The following SORCS3 variants were observed in gnomAD, a reference collection of about 807,000 sequenced individuals.
SORCS3 encodes sortilin related VPS10 domain containing receptor 3, also known as VPS10 domain-containing receptor SorCS3.
In SORCS3, 57 loss-of-function variants were observed where a neutral mutation model predicts 146.3. The observed-to-expected ratio is 0.39, with a 90% CI of 0.31 to 0.49. SORCS3 has a LOEUF of 0.49. Ranked by LOEUF, SORCS3 falls within the 20% of genes least tolerant of loss-of-function variation. SORCS3 has a pLI of 0.92. For synonymous variants in SORCS3, 653 were observed against 618.5 expected (o/e 1.06, Z -0.83); for missense variants, 1,341 against 1,575.5 (o/e 0.85, Z 2.52).
At chr10:104,915,395 G>T (rs2019014676) in intron 2 of SORCS3, among the ~76,000 whole-genome samples, 1 of 151,982 alleles carries the variant, frequency 6.6e-6, no homozygotes, top group Non-Finnish European at 1.5e-5. Context: ...GAAGTTGGTT[G>T]TACCCTGGTG....
At chr10:104,870,395 A>T (rs1053118420) in intron 2 of SORCS3, among the ~76,000 whole-genome samples, 1 of 152,040 alleles carries the variant, frequency 6.6e-6, no homozygotes, top group Non-Finnish European at 1.5e-5. Flanking sequence ...GCCAGAGTCT[A>T]TGCTAGCCCC....
intron 1 of SORCS3, among the ~76,000 whole-genome samples, chr10:104,807,009 C>A (rs530157437): frequency 1.3e-5 from 2 of 152,046 alleles, no homozygotes; most frequent in African/African-American, 4.8e-5. Flanking sequence ...TTGGGAAGAA[C>A]CAGATTCTTT....
intron 4 of SORCS3, among the ~76,000 whole-genome samples, chr10:105,028,016 A>G (rs573375147): frequency 6.6e-6 from 1 of 152,324 alleles, no homozygotes; most frequent in East Asian, 1.9e-4. Flanking sequence ...TAGATACTTA[A>G]CCTTGTATTT....
At chr10:104,670,109 A>T (rs999177593) in intron 1 of SORCS3, among the ~76,000 whole-genome samples, 1 of 152,134 alleles carries the variant, frequency 6.6e-6, no homozygotes, top group Non-Finnish European at 1.5e-5. Flanking sequence ...TTCTCTATAT[A>T]TTCTGCATAC....
intron 6 of SORCS3, among the ~76,000 whole-genome samples, chr10:105,103,026 G>C (rs1290895777): frequency 6.6e-6 from 1 of 151,806 alleles, no homozygotes; most frequent in Non-Finnish European, 1.5e-5. Context: ...CTGACCTCGT[G>C]ATCCACCCAC....
At chr10:105,212,427 G>A (rs968582476) in intron 17 of SORCS3, among the ~76,000 whole-genome samples, 4 of 152,144 alleles carry the variant, frequency 2.6e-5, no homozygotes, top group South Asian at 4.1e-4. Flanking sequence ...AGTATTATGC[G>A]CACAAGTTAT....
At chr10:105,033,797 T>A (rs2055286497) in intron 4 of SORCS3, among the ~76,000 whole-genome samples, 1 of 152,212 alleles carries the variant, frequency 6.6e-6, no homozygotes, top group Non-Finnish European at 1.5e-5. Flanking sequence ...TCATAATTTT[T>A]GGTATTGTAC....
intron 14 of SORCS3, among the ~76,000 whole-genome samples, chr10:105,192,120 G>A (rs1231938531): frequency 2.0e-5 from 3 of 151,902 alleles, no homozygotes; most frequent in Non-Finnish European, 4.4e-5. Context: ...GTATGCCTTT[G>A]AAAAGAAAAA....
chr10:104,990,105 C>G (rs1589582015), intron 4 of SORCS3, among the ~76,000 whole-genome samples: 1 of 152,286 alleles, frequency 6.6e-6, no homozygotes, highest in East Asian at 1.9e-4. Context: ...GGAGGCTACT[C>G]TACCCCTCTG....
intron 1 of SORCS3, among the ~76,000 whole-genome samples, chr10:104,769,597 G>A (rs1181627168): frequency 6.6e-6 from 1 of 152,154 alleles, no homozygotes; most frequent in Non-Finnish European, 1.5e-5. Flanking sequence ...CTAAAGGGAG[G>A]GGGGAATTTT....
intron 5 of SORCS3, among the ~76,000 whole-genome samples, chr10:105,053,561 C>T (rs1029941792): frequency 5.9e-5 from 9 of 151,796 alleles, no homozygotes; most frequent in Non-Finnish European, 1.0e-4. Context: ...AAATCAAGTA[C>T]GTCTTCATAG....
intron 4 of SORCS3, among the ~76,000 whole-genome samples, chr10:105,031,106 C>T (rs1468755526): frequency 6.6e-6 from 1 of 151,622 alleles, no homozygotes; most frequent in Non-Finnish European, 1.5e-5. Flanking sequence ...ACCAGCCTGG[C>T]CAACATGGTA....
rs528882078 is a variant in SORCS3 at position 104,969,880 on chromosome 10, A to G, written c.796-7455A>G. Among the ~76,000 whole-genome samples the G allele has an allele frequency of 5.9e-5, 9 of 152,334 alleles. No individual in the cohort carries two copies. The South Asian group carries it at 1.0e-3, about 18-fold the overall frequency. ...TGTGCATGTGTGCACAGAAAGAAAC[A>G]GAGCTAGGGGAAGAAAATACATTGC... On this transcript the variant is annotated intron_variant, in intron 3 of 26. Coordinates refer to ENST00000369701, the MANE Select transcript of SORCS3 (RefSeq NM_014978.3).
intron 1 of SORCS3, among the ~76,000 whole-genome samples, chr10:104,801,614 A>T (rs1016160339): frequency 3.9e-5 from 6 of 152,212 alleles, no homozygotes; most frequent in Non-Finnish European, 7.3e-5. Flanking sequence ...ATTGCGGTTC[A>T]GTGTAGATGG....
intron 22 of SORCS3, among the ~76,000 whole-genome samples, chr10:105,251,483 G>A (rs1043318396): frequency 6.6e-6 from 1 of 152,114 alleles, no homozygotes; most frequent in African/African-American, 2.4e-5. Context: ...CATGTGTCAC[G>A]GTGGACATGG....
At chr10:105,016,650 T>C (rs530685405) in intron 4 of SORCS3, among the ~76,000 whole-genome samples, 44 of 152,228 alleles carry the variant, frequency 2.9e-4, no homozygotes, top group Non-Finnish European at 3.2e-4. Flanking sequence ...TTTTTTGTGT[T>C]CCCTCTTATA....
chr10:104,883,884 A>G (rs1237905765), intron 2 of SORCS3, among the ~76,000 whole-genome samples: 8 of 151,436 alleles, frequency 5.3e-5, no homozygotes, highest in Non-Finnish European at 8.8e-5. Context: ...GCTCACTCCA[A>G]TGTGGTGACT....
chr10:105,097,921 A>G lies in SORCS3; in HGVS notation c.1094-7476A>G, dbSNP rs117685305. On this transcript the variant is annotated intron_variant, in intron 6 of 26. Coordinates refer to ENST00000369701, the MANE Select transcript of SORCS3 (RefSeq NM_014978.3). ...CTAGAAATGTGCAGAATCAAAACCC[A>G]TAGAACATATGCCACCGTCCTTTGT... is the stretch of plus-strand genomic sequence containing the variant. Among the ~76,000 whole-genome samples the G allele has an allele frequency of 4.4e-3, 672 of 152,328 alleles. 1 individual carries two copies. The highest frequency in any genetic ancestry group is 7.0e-3 in the Non-Finnish European group (478 of 68,028).
intron 1 of SORCS3, among the ~76,000 whole-genome samples, chr10:104,833,229 C>T (rs1347771947): frequency 1.3e-5 from 2 of 152,158 alleles, no homozygotes; most frequent in Non-Finnish European, 2.9e-5. Flanking sequence ...ATGATCACTA[C>T]AGGAAAGGAA....
Sources: gnomAD v4.1 joint callset for allele counts (sites outside exome capture counted in the v4.1 genomes callset) on GRCh38, gnomAD v4.1.1 for gene constraint, MANE v1.5 for transcripts, NCBI Gene and HGNC (gene_info 2026-07-23, HGNC 2026-07-21) for gene names.